Variants in PLPBP observed in about 807,000 individuals in gnomAD.
PLPBP encodes pyridoxal phosphate homeostasis protein.
In PLPBP, 21 loss-of-function variants were observed where a neutral mutation model predicts 31.2. The observed-to-expected ratio is 0.67, with a 90% CI of 0.48 to 0.97. PLPBP has a LOEUF of 0.97. PLPBP is among the 50% of genes least tolerant of loss of function. The pLI is 0.00. For missense variants in PLPBP, 308 were observed against 354.4 expected (o/e 0.87, Z 1.05); for synonymous variants, 124 against 135.6 (o/e 0.91, Z 0.59).
At chr8:37,770,928 C>T (rs956497774) in intron 4 of PLPBP, among the ~76,000 whole-genome samples, 1 of 152,048 alleles carries the variant, frequency 6.6e-6, no homozygotes, top group Non-Finnish European at 1.5e-5. Flanking sequence ...AAGGAGCCAG[C>T]AGGCATAGAA....
At chr8:37,772,693 T>A in intron 4 of PLPBP, 62 bp from the exon 5 acceptor site, 1 of 1,582,160 alleles carries the variant, frequency 6.3e-7, no homozygotes, top group Admixed American at 1.7e-5. Context: ...AGAGATTTGT[T>A]GCATGTTACT....
chr8:37,766,763 G>T, intron 4 of PLPBP: 31 of 656,934 alleles, frequency 4.7e-5, no homozygotes, highest in Non-Finnish European at 5.8e-5. Flanking sequence ...AGTAAAGTAG[G>T]CCAGGCGCGG....
intron 4 of PLPBP, among the ~76,000 whole-genome samples, chr8:37,769,867 G>T (rs1032943901): frequency 6.6e-6 from 1 of 152,076 alleles, no homozygotes; most frequent in Non-Finnish European, 1.5e-5. Flanking sequence ...ATCTGGAAAA[G>T]AAATCAGGAA....
At chr8:37,762,620 G>A, upstream of PLPBP, 2 of 1,543,776 alleles carry the variant, frequency 1.3e-6, no homozygotes, top group Non-Finnish European at 8.7e-7. Flanking sequence ...GTGAGCCACG[G>A]GCTGCCGGGG....
rs749754035 is a variant in PLPBP at position 37,775,486 on chromosome 8, T to TG, written c.597+11dup. The TG allele has an allele frequency of 1.9e-6, 3 of 1,613,640 alleles. No homozygotes were observed. In the East Asian group the frequency reaches 6.7e-5, roughly 36 times the overall value. The stretch of plus-strand genomic sequence containing the variant: ...GGACCAAATCCAGACTTCCAGGTAC[T>TG]GGGGGGTCGGGGAGATTGCTCGTGT... On this transcript the variant is annotated splice_donor_region_variant and intron_variant, in intron 6 of 7. Transcript: ENST00000328195.
chr8:37,768,982 GA>G (rs1803707331), intron 4 of PLPBP, among the ~76,000 whole-genome samples: 1 of 152,004 alleles, frequency 6.6e-6, no homozygotes, highest in South Asian at 2.1e-4. Context: ...TAAAATGCAG[GA>G]AAATATTTTT....
chr8:37,764,203 C>T (rs879301413), intron 1 of PLPBP, among the ~76,000 whole-genome samples: 4 of 149,178 alleles, frequency 2.7e-5, no homozygotes, highest in Non-Finnish European at 4.5e-5. Context: ...CCCGGGTTCA[C>T]GCAATTCTCC....
intron 4 of PLPBP, among the ~76,000 whole-genome samples, chr8:37,768,027 G>A (rs563619461): frequency 4.6e-5 from 7 of 151,850 alleles, no homozygotes; most frequent in Middle Eastern, 3.4e-3. Flanking sequence ...GGCTGGTCTC[G>A]AACTCCTGAC....
At position 37,765,710 on chromosome 8, in the gene PLPBP, G is replaced by A; in HGVS notation, c.208-1G>A. On this transcript the variant is annotated splice_acceptor_variant, in intron 2 of 7. Transcript: ENST00000328195. LOFTEE classifies it high-confidence loss of function. Reference sequence around the variant, plus strand: ...TGACTTGTTCTGTTTTGACCTTTTAGGTTCAGGAACTGCTAGAAAAAGCAT... The same window carrying A: ...TGACTTGTTCTGTTTTGACCTTTTAAGTTCAGGAACTGCTAGAAAAAGCAT... 1 of 1,613,978 alleles carries A rather than the reference G, an allele frequency of 6.2e-7. No individual in the cohort carries two copies. Among genetic ancestry groups the A allele is most frequent in the Non-Finnish European group, 8.5e-7 (1 of 1,179,998 alleles).
chr8:37,764,786 CTT>C (rs1803578043), intron 1 of PLPBP, among the ~76,000 whole-genome samples: 1 of 152,240 alleles, frequency 6.6e-6, no homozygotes, highest in African/African-American at 2.4e-5. Flanking sequence ...AGTGACCTCT[CTT>C]TTACTTAGAG....
rs1803984074 is a variant in PLPBP, at chr8:37,778,811, A to G, written c.*707A>G. On this transcript the variant is annotated 3_prime_UTR_variant, in exon 8 of 8. Transcript: ENST00000328195. Reference sequence around the variant, plus strand: ...ACCCCCCGTCTCTACAAAAAAATTTAAAAATTAACTGGGCATGGTGGCTGA... The same window carrying G: ...ACCCCCCGTCTCTACAAAAAAATTTGAAAATTAACTGGGCATGGTGGCTGA... 1 of 152,164 alleles carries G rather than the reference A, an allele frequency of 6.6e-6. No homozygotes were observed. Among genetic ancestry groups the G allele is most frequent in the Non-Finnish European group, 1.5e-5 (1 of 68,092 alleles). The allele number at this position is 152,164 out of a possible 1,614,324, so 9.4% of individuals were successfully genotyped here. A position where few individuals can be genotyped will look rare whatever the true frequency, so the allele number is the denominator to read the frequency against.
chr8:37,776,001 G>A lies in PLPBP; in HGVS notation c.681G>A (p.Ala227=), dbSNP rs149411400. 149 of 1,613,816 alleles carry A rather than the reference G, an allele frequency of 9.2e-5. No homozygotes were observed. The highest frequency in any genetic ancestry group is 5.0e-4 in the Middle Eastern group (3 of 6,054). The change falls in exon 7 of 8, where the codon GCG becomes GCA. Residue 227 remains alanine (A), a synonymous_variant. Transcript: ENST00000328195. The stretch of plus-strand genomic sequence containing the variant: ...TTGAGCTGAGCATGGGCATGTCCGC[G>A]GATTTCCAGCATGCGGTGAGTGTCC... The part of the protein sequence containing the change: ...DQVELSMGMS[A]DFQHAVEVGS...
At chr8:37,771,821 G>A (rs73590997) in intron 4 of PLPBP, among the ~76,000 whole-genome samples, 2,703 of 152,212 alleles carry the variant, frequency 0.018, 83 homozygotes, top group African/African-American at 0.062. Flanking sequence ...TTAGTGAGGT[G>A]TAGTGGTGGG....
chr8:37,765,300 T>C (rs1167422455), intron 1 of PLPBP, among the ~76,000 whole-genome samples: 1 of 152,246 alleles, frequency 6.6e-6, no homozygotes, highest in Non-Finnish European at 1.5e-5. Flanking sequence ...TGCTGAATAT[T>C]GACATCGCTA....
In PLPBP at chr8:37,775,416, G is replaced by A. The variant is rs1316908768; in HGVS notation, c.532G>A (p.Val178Met). Residue 178 changes from valine (V) to methionine (M), a missense_variant, in exon 6 of 8, where the codon GTG (valine) becomes ATG (methionine). Transcript: ENST00000328195. ...CGCCAAGTGTCCTAACCTGGAGTTT[G>A]TGGGGCTGATGACCATAGGAAGCTT... ...INAKCPNLEFVGLMTIGSFGH... is the reference protein window; with the variant it reads ...INAKCPNLEFMGLMTIGSFGH... 3 of 1,614,112 alleles carry A rather than the reference G, an allele frequency of 1.9e-6. No homozygotes were observed. The African/African-American group carries it at 4.0e-5, about 22-fold the overall frequency.
chr8:37,771,434 C>T (rs1803765094), intron 4 of PLPBP, among the ~76,000 whole-genome samples: 1 of 152,062 alleles, frequency 6.6e-6, no homozygotes, highest in Admixed American at 6.5e-5. Context: ...GCCACAATGC[C>T]TAGCCATCTC....
intron 5 of PLPBP, among the ~76,000 whole-genome samples, chr8:37,773,532 G>A (rs576104560): frequency 2.0e-4 from 30 of 147,046 alleles, no homozygotes; most frequent in East Asian, 4.1e-4. Context: ...GCAGTGGCAC[G>A]ATCTCAGCTC....
At chr8:37,768,316 G>A (rs1180148261) in intron 4 of PLPBP, among the ~76,000 whole-genome samples, 6 of 152,132 alleles carry the variant, frequency 3.9e-5, no homozygotes, top group African/African-American at 7.2e-5. Flanking sequence ...GTGAAGTAGT[G>A]TAACACACCT....
At chr8:37,770,393 C>T (rs1803738969) in intron 4 of PLPBP, among the ~76,000 whole-genome samples, 1 of 152,198 alleles carries the variant, frequency 6.6e-6, no homozygotes, top group Non-Finnish European at 1.5e-5. Flanking sequence ...ACAATCTCTT[C>T]AATAAGTGCT....
Sources: gnomAD v4.1 joint callset for allele counts (sites outside exome capture counted in the v4.1 genomes callset) on GRCh38, gnomAD v4.1.1 for gene constraint, MANE v1.5 for transcripts, NCBI Gene and HGNC (gene_info 2026-07-23, HGNC 2026-07-21) for gene names.